Variants in SNX9 observed in about 807,000 individuals in gnomAD.
SNX9 encodes the protein sorting nexin-9.
SNX9 carries 44 observed loss-of-function variants against 89.4 expected under a neutral mutation model. The observed-to-expected ratio is 0.49, with a 90% CI of 0.39 to 0.63. The LOEUF (loss-of-function observed/expected upper bound fraction) is 0.63, where lower values mean the gene tolerates loss of function less well. Ranked by LOEUF, SNX9 falls within the 30% of genes least tolerant of loss-of-function variation. SNX9 has a pLI of 0.00. For synonymous variants in SNX9, 236 were observed against 247.8 expected, an observed-to-expected ratio of 0.95 and a Z score of 0.45; for missense variants, 578 against 736.1, an observed-to-expected ratio of 0.79 and a Z score of 2.49.
At chr6:157,881,298 CTTAA>C (rs1004154434) in intron 4 of SNX9, among the ~76,000 whole-genome samples, 3 of 152,088 alleles carry the variant, frequency 2.0e-5, no homozygotes, top group Non-Finnish European at 4.4e-5. Flanking sequence ...CAATGGCGAG[CTTAA>C]TTGACATGTT....
At chr6:157,894,748 A>G (rs1425912582) in intron 4 of SNX9, among the ~76,000 whole-genome samples, 1 of 152,222 alleles carries the variant, frequency 6.6e-6, no homozygotes, top group Non-Finnish European at 1.5e-5. Context: ...AGAATGTGGG[A>G]ATGTTATTGC....
intron 4 of SNX9, among the ~76,000 whole-genome samples, chr6:157,886,990 T>C (rs1332754418): frequency 1.3e-5 from 2 of 152,192 alleles, no homozygotes; most frequent in Non-Finnish European, 2.9e-5. Flanking sequence ...TCTCTGTCAG[T>C]ACTGTATCAG....
At chr6:157,877,292 T>TA (rs1446053359) in intron 4 of SNX9, among the ~76,000 whole-genome samples, 1 of 151,516 alleles carries the variant, frequency 6.6e-6, no homozygotes, top group Non-Finnish European at 1.5e-5. Context: ...GGGGGGGGCA[T>TA]CTAGTCTAAC....
At chr6:157,840,056 G>A (rs960659235) in intron 1 of SNX9, among the ~76,000 whole-genome samples, 3 of 152,078 alleles carry the variant, frequency 2.0e-5, no homozygotes, top group Non-Finnish European at 4.4e-5. Context: ...CTGAGGGAAG[G>A]TGGGGGTGTC....
At chr6:157,913,544 CTT>C (rs371628627) in intron 9 of SNX9, among the ~76,000 whole-genome samples, 335 of 152,262 alleles carry the variant, frequency 2.2e-3, no homozygotes, top group African/African-American at 7.8e-3. Context: ...TAAATTCACT[CTT>C]TTTGGTGTAC....
At chr6:157,911,076 G>T (rs761250802) in intron 9 of SNX9, among the ~76,000 whole-genome samples, 7 of 152,004 alleles carry the variant, frequency 4.6e-5, no homozygotes, top group Non-Finnish European at 7.4e-5. Flanking sequence ...TTGCGCCACC[G>T]CACTCCAGCC....
intron 9 of SNX9, among the ~76,000 whole-genome samples, chr6:157,918,323 C>G (rs926390679): frequency 2.6e-5 from 4 of 152,052 alleles, no homozygotes; most frequent in African/African-American, 9.7e-5. Context: ...TAATATCTTC[C>G]TGATGTAGTG....
intron 4 of SNX9, among the ~76,000 whole-genome samples, chr6:157,888,098 G>A (rs543564836): frequency 3.5e-4 from 54 of 152,302 alleles, no homozygotes; most frequent in African/African-American, 1.1e-3. Context: ...GTCATTCACA[G>A]CTGCGATTGG....
intron 12 of SNX9, among the ~76,000 whole-genome samples, chr6:157,931,451 C>T (rs1452714673): frequency 6.6e-6 from 1 of 152,096 alleles, no homozygotes; most frequent in African/African-American, 2.4e-5. Context: ...AACAGATGCT[C>T]CATTTAAGGG....
chr6:157,893,904 GA>G (rs1234925543), intron 4 of SNX9, among the ~76,000 whole-genome samples: 5 of 152,018 alleles, frequency 3.3e-5, no homozygotes, highest in African/African-American at 1.2e-4. Context: ...GTTTTTCTAT[GA>G]AAGTGTGGTA....
intron 2 of SNX9, 108 bp from the exon 3 acceptor site, chr6:157,872,994 T>C: frequency 1.4e-6 from 1 of 708,122 alleles, no homozygotes; most frequent in Non-Finnish European, 2.1e-6. Context: ...ATGAAAAGCT[T>C]AATGTTAATT....
intron 1 of SNX9, among the ~76,000 whole-genome samples, chr6:157,855,843 T>G (rs1222946473): frequency 6.6e-6 from 1 of 152,164 alleles, no homozygotes; most frequent in Non-Finnish European, 1.5e-5. Context: ...TTCAAGTGAT[T>G]CTCCTGCCTC....
intron 4 of SNX9, among the ~76,000 whole-genome samples, chr6:157,886,886 A>G (rs753218833): frequency 1.3e-5 from 2 of 152,036 alleles, no homozygotes; most frequent in African/African-American, 2.4e-5. Context: ...TTTGTGCTTA[A>G]AGTTATCACC....
intron 7 of SNX9, among the ~76,000 whole-genome samples, chr6:157,908,768 A>C (rs920388895): frequency 5.3e-5 from 8 of 152,190 alleles, no homozygotes; most frequent in Non-Finnish European, 1.2e-4. Context: ...CTACACCCCC[A>C]CATAGAATTT....
chr6:157,885,978 T>C (rs1782727923), intron 4 of SNX9, among the ~76,000 whole-genome samples: 1 of 152,234 alleles, frequency 6.6e-6, no homozygotes, highest in South Asian at 2.1e-4. Context: ...TATGTTACCA[T>C]TTTCATTAAT....
chr6:157,861,648 T>C (rs945463523), intron 1 of SNX9, among the ~76,000 whole-genome samples: 8 of 152,222 alleles, frequency 5.3e-5, no homozygotes, highest in African/African-American at 1.2e-4. Context: ...ATCACTGATA[T>C]GCAGTAGTCC....
chr6:157,942,821 C>T lies in SNX9; in HGVS notation c.1771C>T (p.Arg591Cys), dbSNP rs148012710. The change falls in exon 18 of 18, where the codon CGC (arginine) becomes TGC (cysteine). Residue 591 changes from arginine (R) to cysteine (C), a missense_variant. By Grantham distance (180) the Arg-to-Cys change is radical. This residue lies in a region of SNX9 where 348 missense variants were observed against 491.4 expected (regional missense o/e 0.71). Coordinates refer to ENST00000392185, the MANE Select transcript of SNX9 (RefSeq NM_016224.5). Reference protein sequence around the residue: ...IAEKLRQALSRFPVM With the variant: ...IAEKLRQALSCFPVM ...AGAAAAGCTGAGGCAGGCCCTCAGC[C>T]GCTTTCCAGTGATGTAGGACAGAAC... The T allele has an allele frequency of 9.3e-6, 15 of 1,613,734 alleles. No homozygotes were observed. Among genetic ancestry groups the T allele is most frequent in the African/African-American group, 6.7e-5 (5 of 74,896 alleles).
intron 4 of SNX9, among the ~76,000 whole-genome samples, chr6:157,889,490 G>C (rs1424050775): frequency 6.7e-6 from 1 of 149,714 alleles, no homozygotes; most frequent in Non-Finnish European, 1.5e-5. Context: ...TTGTAGTCTA[G>C]TTTGTTACAG....
Position 157,826,787 on chromosome 6 carries a change from T to TTTATATA in SNX9, c.12+3341_12+3342insTTATATA, listed in dbSNP as rs1562585803. Among the ~76,000 whole-genome samples the TTTATATA allele has an allele frequency of 3.7e-4, 37 of 99,046 alleles. 9 individuals are homozygous for TTTATATA. Among genetic ancestry groups the TTTATATA allele is most frequent in the African/African-American group, 1.7e-3 (34 of 20,072 alleles). 65.0% of individuals were successfully genotyped at this position (99,046 alleles called of 152,430 possible). A position where few individuals can be genotyped will look rare whatever the true frequency, so the allele number is the denominator to read the frequency against. On this transcript the variant is annotated intron_variant, in intron 1 of 17. Transcript: ENST00000392185. ...TATATGATATATAAATATATTATAT[T>TTTATATA]ATATATATATATTATATTTTATATA...
Sources: gnomAD v4.1 joint callset for allele counts (sites outside exome capture counted in the v4.1 genomes callset) on GRCh38, gnomAD v4.1.1 for gene constraint, gnomAD v4.1.1 regional missense constraint, MANE v1.5 for transcripts, NCBI Gene and HGNC (gene_info 2026-07-23, HGNC 2026-07-21) for gene names.